The following SCN8A variants were observed in gnomAD, a reference collection of about 807,000 sequenced individuals.
The protein encoded by SCN8A is sodium voltage-gated channel alpha subunit 8, also known as sodium channel protein type 8 subunit alpha.
Under a neutral mutation model 184.1 loss-of-function variants are expected in SCN8A, and 30 were observed. The observed-to-expected ratio is 0.16, with a 90% CI of 0.12 to 0.22. The LOEUF is 0.22. Ranked by LOEUF, SCN8A falls within the 10% of genes least tolerant of loss-of-function variation. The pLI is 1.00. For missense variants in SCN8A, 1,057 were observed against 2,498.9 expected (o/e 0.42, Z 12.30); for synonymous variants, 852 against 907.0 (o/e 0.94, Z 1.09).
At chr12:51,597,654 A>G (rs948993743) in intron 1 of SCN8A, among the ~76,000 whole-genome samples, 8 of 152,262 alleles carry the variant, frequency 5.3e-5, no homozygotes, top group Middle Eastern at 6.8e-3. Flanking sequence ...ATGAAAAAAC[A>G]CCTCATATTT....
At chr12:51,790,325 T>C (rs561100970) in intron 24 of SCN8A, 73 bp from the exon 25 acceptor site, 2 of 1,055,490 alleles carry the variant, frequency 1.9e-6, no homozygotes, top group South Asian at 1.5e-5. Context: ...TTCTCAGTAT[T>C]GAACCTTAGG....
At chr12:51,625,846 T>A (rs946382182) in intron 1 of SCN8A, among the ~76,000 whole-genome samples, 6 of 152,278 alleles carry the variant, frequency 3.9e-5, no homozygotes, top group South Asian at 2.1e-4. Flanking sequence ...CATTTAGGAT[T>A]AAGTTGGGTT....
intron 25 of SCN8A, among the ~76,000 whole-genome samples, chr12:51,791,052 G>C (rs919380426): frequency 3.3e-5 from 5 of 152,122 alleles, no homozygotes; most frequent in Non-Finnish European, 7.4e-5. Context: ...CTGCTCCATT[G>C]TTCCATTGGT....
rs181516790 is a variant in SCN8A, at chr12:51,713,740, T to G, written c.1635+7025T>G. ...TTTCAAAGTATTTTAATTGCTCTATTGCAGCAGTTTTCAAACTTTCTGGTC... is the reference window on the plus strand; with the variant it reads ...TTTCAAAGTATTTTAATTGCTCTATGGCAGCAGTTTTCAAACTTTCTGGTC... On this transcript the variant is annotated intron_variant, in intron 11 of 26. Coordinates refer to ENST00000627620, the MANE Select transcript of SCN8A (RefSeq NM_001330260.2). 1.2e-3 allele frequency: 396 copies of G among 320,878 alleles called. 4 individuals carry two copies. The highest frequency in any genetic ancestry group is 1.3e-3 in the Non-Finnish European group (229 of 178,876). 19.9% of individuals were successfully genotyped at this position (320,878 alleles called of 1,614,324 possible).
chr12:51,709,524 A>G (rs1941839080), intron 11 of SCN8A, among the ~76,000 whole-genome samples: 1 of 152,224 alleles, frequency 6.6e-6, no homozygotes, highest in Admixed American at 6.5e-5. Flanking sequence ...GAAATTTAAC[A>G]GAGATGCTTA....
chr12:51,627,811 A>G (rs1474338545), intron 1 of SCN8A, among the ~76,000 whole-genome samples: 1 of 152,166 alleles, frequency 6.6e-6, no homozygotes, highest in Non-Finnish European at 1.5e-5. Flanking sequence ...TCTTGTATTT[A>G]GTTATATTTT....
intron 6 of SCN8A, among the ~76,000 whole-genome samples, chr12:51,696,213 GTA>G (rs1490735363): frequency 6.6e-6 from 1 of 152,170 alleles, no homozygotes; most frequent in Non-Finnish European, 1.5e-5. Context: ...AGAGATGGCT[GTA>G]TAGGCTTCAT....
At chr12:51,728,278 A>G (rs180968485) in intron 12 of SCN8A, among the ~76,000 whole-genome samples, 17 of 152,292 alleles carry the variant, frequency 1.1e-4, no homozygotes, top group Admixed American at 1.1e-3. Flanking sequence ...AGACCATGTA[A>G]AAAAATAGAA....
chr12:51,700,808 G>A (rs911648410), intron 7 of SCN8A, among the ~76,000 whole-genome samples: 1 of 152,168 alleles, frequency 6.6e-6, no homozygotes, highest in Admixed American at 6.5e-5. Flanking sequence ...GAAGAATAGA[G>A]TGGTATAAAG....
chr12:51,808,803 A>T lies in SCN8A; in HGVS notation c.*1374A>T, dbSNP rs1269639895. 1 of 152,178 alleles carries T rather than the reference A, an allele frequency of 6.6e-6. No homozygotes were observed. The allele number at this position is 152,178 out of a possible 1,614,324, so 9.4% of individuals were successfully genotyped here. A position where few individuals can be genotyped will look rare whatever the true frequency, so the allele number is the denominator to read the frequency against. On this transcript the variant is annotated 3_prime_UTR_variant, in exon 27 of 27. Coordinates refer to ENST00000627620, the MANE Select transcript of SCN8A (RefSeq NM_001330260.2). ...CTCTCTTCTGCAGAGGGGTCATCGC[A>T]TACTCACACACTGCATGGCTCCCCC...
At chr12:51,663,840 C>G (rs977803231) in intron 2 of SCN8A, among the ~76,000 whole-genome samples, 1 of 150,424 alleles carries the variant, frequency 6.6e-6, no homozygotes, top group Non-Finnish European at 1.5e-5. Context: ...GATCCACCAG[C>G]TAAATAATTG....
At chr12:51,753,112 G>A (rs1376517957) in intron 14 of SCN8A, among the ~76,000 whole-genome samples, 1 of 152,108 alleles carries the variant, frequency 6.6e-6, no homozygotes, top group African/African-American at 2.4e-5. Flanking sequence ...AGAATTGTAA[G>A]TATGCAGAAG....
Position 51,685,311 on chromosome 12 carries a change from T to G in SCN8A, c.395+1019T>G, listed in dbSNP as rs140405364. On this transcript the variant is annotated intron_variant, in intron 3 of 26. Coordinates refer to ENST00000627620, the MANE Select transcript of SCN8A (RefSeq NM_001330260.2). ...AAAAAAAATCCAGCTGTAAGAAATA[T>G]TTTCTCTTTTTAAAACTCCACTGGT... Among the ~76,000 whole-genome samples, 4 of 152,212 alleles carry G rather than the reference T, an allele frequency of 2.6e-5. No individual in the cohort carries two copies. The East Asian group carries it at 5.8e-4, about 22-fold the overall frequency.
In SCN8A at chr12:51,762,575, G is replaced by A; in HGVS notation, c.2443G>A (p.Glu815Lys). ...CATGGATCCCTACTATTATTTCCAA[G>A]AAGGTTGGAACATTTTTGACGGATT... The part of the protein sequence containing the change: ...IAMDPYYYFQ[E>K]GWNIFDGFIV... Residue 815 changes from glutamate (E) to lysine (K), a missense_variant, in exon 15 of 27, where the codon GAA becomes AAA. Coordinates refer to ENST00000627620, the MANE Select transcript of SCN8A (RefSeq NM_001330260.2). 1 of 1,613,338 alleles carries A rather than the reference G, an allele frequency of 6.2e-7. No individual in the cohort carries two copies. The highest frequency in any genetic ancestry group is 8.5e-7 in the Non-Finnish European group (1 of 1,179,608).
intron 2 of SCN8A, among the ~76,000 whole-genome samples, chr12:51,680,776 C>T (rs890950171): frequency 3.3e-5 from 5 of 151,996 alleles, no homozygotes; most frequent in Non-Finnish European, 5.9e-5. Context: ...CTGAGGCAGG[C>T]GGATCATCCG....
At chr12:51,679,785 GTGCAATCTTGGCTCAC>G (rs1316618423) in intron 2 of SCN8A, among the ~76,000 whole-genome samples, 1 of 146,488 alleles carries the variant, frequency 6.8e-6, no homozygotes, top group East Asian at 2.0e-4. Flanking sequence ...GAGTGCAGTG[GTGCAATCTTGGCTCAC>G]TGCAAGCTTT....
intron 6 of SCN8A, among the ~76,000 whole-genome samples, chr12:51,693,157 A>G (rs117465953): frequency 5.3e-5 from 8 of 152,324 alleles, no homozygotes; most frequent in Non-Finnish European, 1.0e-4. Flanking sequence ...TACTTTGTGA[A>G]TGTGGCAATT....
At chr12:51,752,530 A>C (rs1942612061) in intron 14 of SCN8A, among the ~76,000 whole-genome samples, 1 of 152,186 alleles carries the variant, frequency 6.6e-6, no homozygotes, top group South Asian at 2.1e-4. Flanking sequence ...CACATGGCAA[A>C]GAGATCCTTT....
intron 25 of SCN8A, among the ~76,000 whole-genome samples, chr12:51,792,898 A>G (rs1278436966): frequency 2.6e-5 from 4 of 151,996 alleles, no homozygotes; most frequent in Non-Finnish European, 5.9e-5. Context: ...GCCTGCCACC[A>G]TGCCCGGCTA....
Sources: allele counts gnomAD v4.1 joint callset (sites outside exome capture counted in the v4.1 genomes callset), GRCh38; gene constraint gnomAD v4.1.1; transcripts MANE v1.5; gene names NCBI Gene and HGNC (gene_info 2026-07-23, HGNC 2026-07-21).